Variants in THOC7 observed in about 807,000 individuals in gnomAD.
The protein encoded by THOC7 is THO complex subunit 7.
In THOC7, 22 loss-of-function variants were observed where a neutral mutation model predicts 33.1. The ratio of observed to expected loss-of-function variants is 0.66; its 90% CI spans 0.47 to 0.95. THOC7 has a LOEUF of 0.95. Ranked by LOEUF, THOC7 falls within the 40% of genes least tolerant of loss-of-function variation. THOC7 has a pLI of 0.00. For synonymous variants in THOC7, 77 were observed against 76.8 expected (o/e 1.00, Z -0.01); for missense variants, 184 against 245.3 (o/e 0.75, Z 1.67).
intron 1 of THOC7, among the ~76,000 whole-genome samples, chr3:63,843,244 G>C (rs1327749594): frequency 6.6e-6 from 1 of 151,982 alleles, no homozygotes; most frequent in East Asian, 2.0e-4. Flanking sequence ...TCAGCCTTCC[G>C]AGCAGCTGGG....
At chr3:63,836,162 G>C in intron 5 of THOC7, 139 bp downstream of exon 5, 1 of 705,746 alleles carries the variant, frequency 1.4e-6, no homozygotes, top group South Asian at 2.5e-5. Flanking sequence ...TAACAGAGAA[G>C]TATGGGAAAA....
chr3:63,840,581 C>T (rs1006675923), intron 1 of THOC7, among the ~76,000 whole-genome samples: 8 of 152,004 alleles, frequency 5.3e-5, no homozygotes, highest in Non-Finnish European at 2.9e-5. Context: ...GGCAACAAAG[C>T]GAGATGCTGT....
intron 1 of THOC7, among the ~76,000 whole-genome samples, chr3:63,841,326 T>C (rs1188161203): frequency 6.6e-6 from 1 of 152,188 alleles, no homozygotes; most frequent in Non-Finnish European, 1.5e-5. Flanking sequence ...CAGATAGAGG[T>C]GGGAAAAGAT....
At chr3:63,857,051 T>A (rs572931895) in intron 1 of THOC7, among the ~76,000 whole-genome samples, 1 of 152,198 alleles carries the variant, frequency 6.6e-6, no homozygotes, top group South Asian at 2.1e-4. Flanking sequence ...ATTTTACCAA[T>A]GAAAAAGCAT....
At chr3:63,856,521 C>T (rs1448669473) in intron 1 of THOC7, among the ~76,000 whole-genome samples, 1 of 152,020 alleles carries the variant, frequency 6.6e-6, no homozygotes, top group Non-Finnish European at 1.5e-5. Flanking sequence ...TAAATATACG[C>T]ACCTACTATA....
At chr3:63,844,245 C>G (rs1363100267) in intron 1 of THOC7, among the ~76,000 whole-genome samples, 3 of 152,128 alleles carry the variant, frequency 2.0e-5, no homozygotes, top group Admixed American at 6.5e-5. Flanking sequence ...AAGATACATA[C>G]TTACAGTTAG....
intron 1 of THOC7, among the ~76,000 whole-genome samples, chr3:63,840,048 C>T (rs529568276): frequency 1.3e-5 from 2 of 152,132 alleles, no homozygotes; most frequent in South Asian, 2.1e-4. Context: ...ATTCTAGGGG[C>T]TGGAGTAATA....
In THOC7 at chr3:63,838,148, T is replaced by C. The variant is rs1009367120; in HGVS notation, c.266-86A>G. ...TAAAACGCATTTATAAATTAACCTC[T>C]ATTGGTAACAAAATAGACACTAGTA... On this transcript the variant is annotated intron_variant, in intron 3 of 7. Transcript: ENST00000295899. 25 of 1,278,650 alleles carry C rather than the reference T, an allele frequency of 2.0e-5. No individual in the cohort carries two copies. In the Admixed American group the frequency reaches 2.8e-4, roughly 14 times the overall value. The allele number at this position is 1,278,650 out of a possible 1,614,324, so 79.2% of individuals were successfully genotyped here.
intron 1 of THOC7, among the ~76,000 whole-genome samples, chr3:63,851,909 TG>T (rs767735410): frequency 1.3e-5 from 2 of 152,178 alleles, no homozygotes; most frequent in African/African-American, 4.8e-5. Flanking sequence ...CCTTCAAGTC[TG>T]TCCCTCCCAC....
At chr3:63,856,920 G>A (rs763639602) in intron 1 of THOC7, among the ~76,000 whole-genome samples, 19 of 152,198 alleles carry the variant, frequency 1.2e-4, no homozygotes, top group Non-Finnish European at 1.9e-4. Context: ...GGGTTTCACC[G>A]TGTTAGCCAG....
At chr3:63,841,679 T>C (rs1180655737) in intron 1 of THOC7, among the ~76,000 whole-genome samples, 1 of 152,234 alleles carries the variant, frequency 6.6e-6, no homozygotes, top group Non-Finnish European at 1.5e-5. Context: ...TAATTTTATA[T>C]TTTAAAAATA....
upstream of THOC7, among the ~76,000 whole-genome samples, chr3:63,864,102 C>CA (rs1362581256): frequency 2.7e-5 from 4 of 146,708 alleles, no homozygotes; most frequent in African/African-American, 9.8e-5. Context: ...GCCCCCCTTG[C>CA]AGCCCCCGCC....
chr3:63,856,994 A>C (rs1314490974), intron 1 of THOC7, among the ~76,000 whole-genome samples: 2 of 152,240 alleles, frequency 1.3e-5, no homozygotes, highest in Non-Finnish European at 2.9e-5. Context: ...CTGGGATTAC[A>C]GGCGTGAGCC....
At chr3:63,845,178 T>G (rs1404501141) in intron 1 of THOC7, 4 of 515,864 alleles carry the variant, frequency 7.8e-6, no homozygotes, top group African/African-American at 7.6e-5. Flanking sequence ...CTGCTCTCTT[T>G]AAGTATTTAA....
At chr3:63,850,585 CT>C (rs61611564) in intron 1 of THOC7, among the ~76,000 whole-genome samples, 7,210 of 116,788 alleles carry the variant, frequency 0.062, 302 homozygotes, top group African/African-American at 0.21. Flanking sequence ...TCTTTCTTTC[CT>C]TTTTTTTTTT....
chr3:63,839,652 A>G lies in THOC7; in HGVS notation c.137+4T>C, dbSNP rs1320975198. The G allele has an allele frequency of 6.2e-7, 1 of 1,610,210 alleles. No homozygotes were observed. The highest frequency in any genetic ancestry group is 2.2e-5 in the East Asian group (1 of 44,816). ...GTATGGAAACAACAGTGAAAATGAA[A>G]TACCCCTCTTCCTGGGACCCAGAGT... On this transcript the variant is annotated splice_donor_region_variant and intron_variant, in intron 2 of 7. Transcript: ENST00000295899.
chr3:63,854,337 C>T (rs1242410354), intron 1 of THOC7, among the ~76,000 whole-genome samples: 1 of 152,148 alleles, frequency 6.6e-6, no homozygotes, highest in African/African-American at 2.4e-5. Context: ...TATCAATTAG[C>T]TCCATAATGA....
At chr3:63,839,831 A>G in intron 1 of THOC7, 58 bp from the exon 2 acceptor site, 4 of 1,355,750 alleles carry the variant, frequency 3.0e-6, no homozygotes, top group Non-Finnish European at 4.2e-6. Context: ...AAGTACAAAT[A>G]ACCAGTATCA....
At chr3:63,864,138 G>T (rs1221225668), upstream of THOC7, among the ~76,000 whole-genome samples, 2 of 149,192 alleles carry the variant, frequency 1.3e-5, no homozygotes, top group African/African-American at 4.9e-5. Context: ...GGCCGCCCCG[G>T]AGGCCGCAGC....
Sources: allele counts gnomAD v4.1 joint callset (sites outside exome capture counted in the v4.1 genomes callset), GRCh38; gene constraint gnomAD v4.1.1; transcripts MANE v1.5; gene names NCBI Gene and HGNC (gene_info 2026-07-23, HGNC 2026-07-21).